The following DPYSL2 variants were observed in gnomAD, a reference collection of about 807,000 sequenced individuals.
DPYSL2 encodes the protein dihydropyrimidinase-related protein 2.
In DPYSL2, 13 loss-of-function variants were observed where a neutral mutation model predicts 69.9. The observed-to-expected ratio is 0.19, with a 90% CI of 0.12 to 0.30. The LOEUF (loss-of-function observed/expected upper bound fraction) is 0.30, where lower values mean the gene tolerates loss of function less well. Ranked by LOEUF, DPYSL2 falls within the 10% of genes least tolerant of loss-of-function variation. The pLI is 1.00. For synonymous variants in DPYSL2, 326 were observed against 359.1 expected (o/e 0.91, Z 1.04); for missense variants, 587 against 918.9 (o/e 0.64, Z 4.67).
chr8:26,515,779 C>T (rs1170576528), intron 1 of DPYSL2, among the ~76,000 whole-genome samples: 1 of 152,178 alleles, frequency 6.6e-6, no homozygotes, highest in Non-Finnish European at 1.5e-5. Context: ...AATAATAAGT[C>T]AATCAATGAA....
chr8:26,563,227 C>G (rs1224978257), intron 1 of DPYSL2, among the ~76,000 whole-genome samples: 1 of 152,190 alleles, frequency 6.6e-6, no homozygotes, highest in African/African-American at 2.4e-5. Context: ...TCACAGTTCT[C>G]CAGTCACACT....
rs36041454 is a variant in DPYSL2, at chr8:26,562,289, A to G, written c.355-19680A>G. On this transcript the variant is annotated intron_variant, in intron 1 of 13. Transcript: ENST00000521913. The surrounding 1 kb of genome is among the most constrained non-coding windows in gnomAD (Gnocchi z 4.9). ...AGTTGTTGTGAGGATTAAATGTATT[A>G]TGAGGCTTAACCAGAGTTAATACTT... Among the ~76,000 whole-genome samples, 1 of 152,160 alleles carries G rather than the reference A, an allele frequency of 6.6e-6. No homozygotes were observed. The highest frequency in any genetic ancestry group is 2.1e-4 in the South Asian group (1 of 4,830).
rs77872372 is a variant in DPYSL2 at position 26,619,197 on chromosome 8, C to T, written c.629-4946C>T. Among the ~76,000 whole-genome samples the T allele has an allele frequency of 4.4e-4, 67 of 152,268 alleles. 2 individuals carry two copies. The East Asian group carries it at 0.012, about 27-fold the overall frequency. ...CAAGTCATTTTCAGGCTTGTGTCCT[C>T]AGTGGGGACTCTACTCCCTCCGGAA... On this transcript the variant is annotated intron_variant, in intron 3 of 13. Transcript: ENST00000521913. This position sits in a 1 kb window ranked among gnomAD's most constrained non-coding sequence, Gnocchi z 4.8.
Position 26,514,538 on chromosome 8 carries a change from C to T in DPYSL2, c.213C>T (p.Val71=), listed in dbSNP as rs1026359016. The change falls in exon 1 of 14, where the codon GTC becomes GTT. Residue 71 remains valine (V), a synonymous_variant. Transcript: ENST00000521913. This position sits in a 1 kb window ranked among gnomAD's most constrained non-coding sequence, Gnocchi z 8.4. ...AGGTGGTGGCTCAGCAGCGGGACGT[C>T]GCCCACTTGGGCCCGGACCCGCAGC... ...SGQVVAQQRD[V]AHLGPDPQPP... The T allele has an allele frequency of 2.0e-6, 3 of 1,529,516 alleles. No homozygotes were observed. The highest frequency in any genetic ancestry group is 4.0e-5 in the Admixed American group (2 of 50,236). The allele number at this position is 1,529,516 out of a possible 1,614,324, so 94.7% of individuals were successfully genotyped here. A position where few individuals can be genotyped will look rare whatever the true frequency, so the allele number is the denominator to read the frequency against.
Position 26,648,856 on chromosome 8 carries a change from C to T in DPYSL2, c.1596+1056C>T, listed in dbSNP as rs979109212. On this transcript the variant is annotated intron_variant, in intron 11 of 13. Coordinates refer to ENST00000521913, the MANE Select transcript of DPYSL2 (RefSeq NM_001197293.3). This position sits in a 1 kb window ranked among gnomAD's most constrained non-coding sequence, Gnocchi z 4.3. ...CTCTGGCTTCTGCCACCTGTGAGGA[C>T]CAGGGTGGTGGGTGTTTCTCAGAAG... Among the ~76,000 whole-genome samples the T allele has an allele frequency of 6.6e-6, 1 of 152,196 alleles. No individual in the cohort carries two copies. Among genetic ancestry groups the T allele is most frequent in the African/African-American group, 2.4e-5 (1 of 41,444 alleles).
intron 8 of DPYSL2, chr8:26,637,758 G>C (rs550321171): frequency 6.6e-6 from 1 of 152,348 alleles, no homozygotes; most frequent in South Asian, 2.1e-4. Flanking sequence ...GTGATGCTGG[G>C]TGCTTCCTCA....
chr8:26,544,321 C>G (rs925780484), intron 1 of DPYSL2, among the ~76,000 whole-genome samples: 1 of 152,164 alleles, frequency 6.6e-6, no homozygotes, highest in Admixed American at 6.5e-5. Flanking sequence ...CCTCCTTTCT[C>G]CCTGAACCAG....
intron 3 of DPYSL2, among the ~76,000 whole-genome samples, chr8:26,599,734 A>C (rs1299024568): frequency 1.3e-5 from 2 of 152,060 alleles, no homozygotes; most frequent in Non-Finnish European, 2.9e-5. Context: ...TAAATAAATA[A>C]AAATAAAAAA....
intron 1 of DPYSL2, among the ~76,000 whole-genome samples, chr8:26,563,500 C>G (rs1700353544): frequency 6.6e-6 from 1 of 152,222 alleles, no homozygotes; most frequent in South Asian, 2.1e-4. Flanking sequence ...CCTCCAGAGG[C>G]TAAGTCTAGA....
intron 3 of DPYSL2, among the ~76,000 whole-genome samples, chr8:26,622,399 A>G (rs1230699476): frequency 6.6e-6 from 1 of 152,024 alleles, no homozygotes; most frequent in African/African-American, 2.4e-5. Flanking sequence ...AATACTTACA[A>G]AAAAGTAAAT....
At chr8:26,548,406 G>C in intron 1 of DPYSL2, 1 of 192,664 alleles carries the variant, frequency 5.2e-6, no homozygotes, top group South Asian at 1.0e-4. Flanking sequence ...TATATACTGA[G>C]CCCAGGGCTA....
At chr8:26,629,376 A>G (rs559179648) in intron 7 of DPYSL2, among the ~76,000 whole-genome samples, 46 of 152,148 alleles carry the variant, frequency 3.0e-4, no homozygotes, top group Non-Finnish European at 6.3e-4. Context: ...ACACAGACAC[A>G]TACACATGCA....
At chr8:26,603,267 G>T (rs1362098985) in intron 3 of DPYSL2, among the ~76,000 whole-genome samples, 3 of 152,058 alleles carry the variant, frequency 2.0e-5, no homozygotes, top group Non-Finnish European at 4.4e-5. Flanking sequence ...CCACCTCCCG[G>T]GTTCAAGCGA....
intron 1 of DPYSL2, chr8:26,547,827 C>A: frequency 5.6e-6 from 2 of 354,544 alleles, no homozygotes; most frequent in South Asian, 5.1e-5. Flanking sequence ...CACAGAAAGT[C>A]ATATATCTGA....
At position 26,565,385 on chromosome 8, in the gene DPYSL2, G is replaced by A. The variant is rs1183448962; in HGVS notation, c.355-16584G>A. Among the ~76,000 whole-genome samples, 1 of 152,180 alleles carries A rather than the reference G, an allele frequency of 6.6e-6. No individual in the cohort carries two copies. The highest frequency in any genetic ancestry group is 6.5e-5 in the Admixed American group (1 of 15,278). On this transcript the variant is annotated intron_variant, in intron 1 of 13. Coordinates refer to ENST00000521913, the MANE Select transcript of DPYSL2 (RefSeq NM_001197293.3). This position sits in a 1 kb window ranked among gnomAD's most constrained non-coding sequence, Gnocchi z 4.1. ...TGCCCCAGGATTGGGAGGTTGCAGGGTAAGAGTAGCAGAATGATGCTGCTG... is the reference window on the plus strand; with the variant it reads ...TGCCCCAGGATTGGGAGGTTGCAGGATAAGAGTAGCAGAATGATGCTGCTG...
chr8:26,618,825 G>GC (rs1446847602), intron 3 of DPYSL2, among the ~76,000 whole-genome samples: 1 of 151,524 alleles, frequency 6.6e-6, no homozygotes, highest in Non-Finnish European at 1.5e-5. Flanking sequence ...GGGCATGATG[G>GC]CGCGCGCCTG....
chr8:26,569,875 G>T (rs1174155108), intron 1 of DPYSL2, among the ~76,000 whole-genome samples: 1 of 152,002 alleles, frequency 6.6e-6, no homozygotes, highest in African/African-American at 2.4e-5. Context: ...GAGAGAGCTT[G>T]GGGACGTAAC....
intron 3 of DPYSL2, among the ~76,000 whole-genome samples, chr8:26,618,767 C>T (rs1802415075): frequency 7.1e-6 from 1 of 140,016 alleles, no homozygotes; most frequent in African/African-American, 2.7e-5. Flanking sequence ...ATGGTGAAAC[C>T]CCATCTCTAC....
chr8:26,655,657 G>A lies in DPYSL2; in HGVS notation c.1985G>A (p.Arg662His), dbSNP rs2130006652. ...AACATTCCCCGCCGCACCACCCAGC[G>A]TATCGTGGCGCCCCCCGGTGGCCGT... is the stretch of plus-strand genomic sequence containing the variant. ...DDNIPRRTTQ[R>H]IVAPPGGRAN... is the part of the protein sequence containing the mutation. Residue 662 changes from arginine to histidine, a missense_variant, in exon 14 of 14, where the codon CGT becomes CAT. By Grantham distance (29) the Arg-to-His change is conservative. Coordinates refer to ENST00000521913, the MANE Select transcript of DPYSL2 (RefSeq NM_001197293.3). 1.2e-6 allele frequency: 2 copies of A among 1,609,872 alleles called. No individual in the cohort carries two copies. The highest frequency in any genetic ancestry group is 1.7e-6 in the Non-Finnish European group (2 of 1,179,430).
Sources: allele counts gnomAD v4.1 joint callset (sites outside exome capture counted in the v4.1 genomes callset), GRCh38; gene constraint gnomAD v4.1.1; non-coding constraint Gnocchi (gnomAD v3.1); transcripts MANE v1.5; gene names NCBI Gene and HGNC (gene_info 2026-07-23, HGNC 2026-07-21).